Variants in OTUD3 observed in about 807,000 individuals in gnomAD.
OTUD3 encodes the protein OTU domain-containing protein 3.
OTUD3 carries 24 observed loss-of-function variants against 46.2 expected under a neutral mutation model. The ratio of observed to expected loss-of-function variants is 0.52; its 90% CI spans 0.38 to 0.73. OTUD3 has a LOEUF of 0.73. Ranked by LOEUF, OTUD3 falls within the 30% of genes least tolerant of loss-of-function variation. The pLI is 0.00. For synonymous variants in OTUD3, 189 were observed against 195.4 expected, an observed-to-expected ratio of 0.97 and a Z score of 0.27; for missense variants, 455 against 523.3, an observed-to-expected ratio of 0.87 and a Z score of 1.27.
chr1:19,905,423 A>T lies in OTUD3; in HGVS notation c.835+436A>T, dbSNP rs17837934. ...TTTTTTTTTTTAATTTGAACCAAGT[A>T]TAATTTTGTGACTCAGAGGAAAGAA... On this transcript the variant is annotated intron_variant, in intron 6 of 7. Coordinates refer to ENST00000375120, the MANE Select transcript of OTUD3 (RefSeq NM_015207.2). Among the ~76,000 whole-genome samples the T allele has an allele frequency of 2.3e-3, 346 of 152,080 alleles. 2 individuals are homozygous for T. Among genetic ancestry groups the T allele is most frequent in the African/African-American group, 8.0e-3 (330 of 41,488 alleles).
intron 4 of OTUD3, 58 bp downstream of exon 4, chr1:19,897,720 G>T: frequency 6.5e-7 from 1 of 1,538,754 alleles, no homozygotes; most frequent in Non-Finnish European, 8.8e-7. Flanking sequence ...CAGATTGAGA[G>T]CTGTATATCT....
At chr1:19,889,861 AAAC>A (rs1282992168) in intron 1 of OTUD3, among the ~76,000 whole-genome samples, 1 of 152,208 alleles carries the variant, frequency 6.6e-6, no homozygotes, top group Non-Finnish European at 1.5e-5. Flanking sequence ...CTTAGGACTC[AAAC>A]AGAGTATTGT....
chr1:19,891,418 C>G (rs1190991186), intron 2 of OTUD3, among the ~76,000 whole-genome samples: 2 of 152,160 alleles, frequency 1.3e-5, no homozygotes, highest in African/African-American at 4.8e-5. Context: ...TTTTAGAGAG[C>G]TAAGTCTGGA....
At chr1:19,903,517 C>T (rs1388220850) in intron 4 of OTUD3, among the ~76,000 whole-genome samples, 2 of 152,050 alleles carry the variant, frequency 1.3e-5, no homozygotes, top group African/African-American at 4.8e-5. Context: ...TTGCTGGAGT[C>T]CACTATATGT....
In OTUD3 at chr1:19,890,146, C is replaced by G. The variant is rs567276057; in HGVS notation, c.222-239C>G. ...GGGAAGTTTGATGACTCTCCTGAGT[C>G]AGCCAGCTGGTACATGGGGAATAGA... On this transcript the variant is annotated intron_variant, in intron 1 of 7. Transcript: ENST00000375120. Among the ~76,000 whole-genome samples, 254 of 152,272 alleles carry G rather than the reference C, an allele frequency of 1.7e-3. 3 individuals are homozygous for G. The highest frequency in any genetic ancestry group is 5.9e-3 in the African/African-American group (245 of 41,540).
chr1:19,901,582 T>A lies in OTUD3; in HGVS notation c.607-2685T>A, dbSNP rs80307817. Among the ~76,000 whole-genome samples, 838 of 152,328 alleles carry A rather than the reference T, an allele frequency of 5.5e-3. 10 individuals are homozygous for A. Among genetic ancestry groups the A allele is most frequent in the African/African-American group, 0.02 (812 of 41,580 alleles). Reference sequence around the variant, plus strand: ...ATATAGTCCAGTGGTACTCAGTACATCTGCAGTGTTTGTTGTACAACCACT... The same window carrying A: ...ATATAGTCCAGTGGTACTCAGTACAACTGCAGTGTTTGTTGTACAACCACT... On this transcript the variant is annotated intron_variant, in intron 4 of 7. Transcript: ENST00000375120.
chr1:19,897,588 C>T lies in OTUD3; in HGVS notation c.532C>T (p.Arg178Trp), dbSNP rs780294087. 5.6e-6 allele frequency: 9 copies of T among 1,613,898 alleles called. No individual in the cohort carries two copies. The highest frequency in any genetic ancestry group is 4.5e-5 in the East Asian group (2 of 44,868). The part of the protein sequence containing the change: ...SSVRELHIAY[R>W]YGEHYDSVRR... Reference sequence around the variant, plus strand: ...CGTGAGGGAGTTACACATCGCATATCGGTATGGAGAGCACTACGACAGTGT... The same window carrying T: ...CGTGAGGGAGTTACACATCGCATATTGGTATGGAGAGCACTACGACAGTGT... The change falls in exon 4 of 8, where the codon CGG becomes TGG. Residue 178 changes from arginine to tryptophan, a missense_variant. Arg to Trp is a moderately radical substitution (Grantham distance 101). Transcript: ENST00000375120.
intron 4 of OTUD3, among the ~76,000 whole-genome samples, chr1:19,903,437 T>C (rs1043619096): frequency 6.6e-6 from 1 of 152,200 alleles, no homozygotes; most frequent in Admixed American, 6.5e-5. Flanking sequence ...CCTGTAACTT[T>C]GTCAAATTCT....
In OTUD3 at chr1:19,895,251, CA is replaced by C. The variant is rs370565300; in HGVS notation, c.483+772del. On this transcript the variant is annotated intron_variant, in intron 3 of 7. Transcript: ENST00000375120. ...TATATTCCTTTGTAAATTGCTCAGT[CA>C]TAGCCTTTGCTGATTAAAAATAGGT... is the stretch of plus-strand genomic sequence containing the variant. 4.0e-4 allele frequency among the ~76,000 whole-genome samples: 61 copies of C among 152,326 alleles called. 2 individuals carry two copies. The South Asian group carries it at 0.011, about 27-fold the overall frequency.
At chr1:19,883,463 G>C (rs2045305421) in intron 1 of OTUD3, among the ~76,000 whole-genome samples, 1 of 152,190 alleles carries the variant, frequency 6.6e-6, no homozygotes, top group Non-Finnish European at 1.5e-5. Flanking sequence ...GGGGAGAACA[G>C]TTAGGATCCC....
intron 4 of OTUD3, among the ~76,000 whole-genome samples, chr1:19,900,009 C>G (rs1252948992): frequency 1.3e-5 from 2 of 152,032 alleles, no homozygotes; most frequent in African/African-American, 4.8e-5. Context: ...TTTTCGCACT[C>G]TGTCATTTGT....
intron 1 of OTUD3, among the ~76,000 whole-genome samples, chr1:19,885,127 T>G (rs1334445017): frequency 6.6e-6 from 1 of 152,152 alleles, no homozygotes; most frequent in Non-Finnish European, 1.5e-5. Context: ...ACAGGTTGTT[T>G]AGGGTGACGG....
At chr1:19,907,424 A>C in intron 7 of OTUD3, 146 bp from the exon 8 acceptor site, 1 of 633,408 alleles carries the variant, frequency 1.6e-6, no homozygotes, top group Non-Finnish European at 2.7e-6. Context: ...GCAGCAGTGG[A>C]CAGTAAATCA....
In OTUD3 at chr1:19,907,567, C is replaced by CG. The variant is rs1557682726; in HGVS notation, c.1021-3_1021-2insG. On this transcript the variant is annotated splice_polypyrimidine_tract_variant and splice_region_variant and intron_variant, in intron 7 of 7. Transcript: ENST00000375120. The stretch of plus-strand genomic sequence containing the variant: ...TACTCACCACCATGGCCTTCTCTCT[C>CG]AGGTCACAAACAAACAGAGGCGAGA... The CG allele has an allele frequency of 3.1e-6, 5 of 1,613,834 alleles. No homozygotes were observed. Among genetic ancestry groups the CG allele is most frequent in the Admixed American group, 1.7e-5 (1 of 60,020 alleles).
At chr1:19,882,936 C>T (rs1268289995) in intron 1 of OTUD3, among the ~76,000 whole-genome samples, 1 of 152,212 alleles carries the variant, frequency 6.6e-6, no homozygotes, top group Non-Finnish European at 1.5e-5. Flanking sequence ...GCGGGGATCC[C>T]AAAGGGTCCT....
At chr1:19,894,329 A>T in intron 2 of OTUD3, 39 bp from the exon 3 acceptor site, 1 of 1,196,644 alleles carries the variant, frequency 8.4e-7, no homozygotes, top group East Asian at 2.4e-5. Context: ...AGATTTTTCC[A>T]CTATAAAGAC....
At chr1:19,894,826 G>GC (rs2045496578) in intron 3 of OTUD3, among the ~76,000 whole-genome samples, 1 of 152,160 alleles carries the variant, frequency 6.6e-6, no homozygotes, top group African/African-American at 2.4e-5. Flanking sequence ...TAAAGACTGA[G>GC]CATGTGGTTT....
Position 19,911,777 on chromosome 1 carries a change from C to G in OTUD3, c.*4031C>G. 1 of 152,358 alleles carries G rather than the reference C, an allele frequency of 6.6e-6. No homozygotes were observed. The highest frequency in any genetic ancestry group is 1.9e-4 in the East Asian group (1 of 5,308). 9.4% of individuals were successfully genotyped at this position (152,358 alleles called of 1,614,324 possible). ...CTGCCATCGCATATTAGAAAGGGGACAGTCATATTTGTAACGTGGAGAGAA... is the reference window on the plus strand; with the variant it reads ...CTGCCATCGCATATTAGAAAGGGGAGAGTCATATTTGTAACGTGGAGAGAA... On this transcript the variant is annotated 3_prime_UTR_variant, in exon 8 of 8. Coordinates refer to ENST00000375120, the MANE Select transcript of OTUD3 (RefSeq NM_015207.2).
intron 3 of OTUD3, among the ~76,000 whole-genome samples, chr1:19,896,963 G>A (rs886700945): frequency 6.6e-6 from 1 of 152,142 alleles, no homozygotes; most frequent in African/African-American, 2.4e-5. Context: ...ATTTGGGTTT[G>A]TTGTTGATGT....
Sources: gnomAD v4.1 joint callset for allele counts (sites outside exome capture counted in the v4.1 genomes callset) on GRCh38, gnomAD v4.1.1 for gene constraint, MANE v1.5 for transcripts, NCBI Gene and HGNC (gene_info 2026-07-23, HGNC 2026-07-21) for gene names.